The following PCDHGB5 variants were observed in gnomAD, a reference collection of about 807,000 sequenced individuals.
PCDHGB5 encodes the protein protocadherin gamma-B5.
In PCDHGB5, 48 loss-of-function variants were observed where a neutral mutation model predicts 62.9. That is an observed-to-expected ratio of 0.76 (90% CI 0.61 to 0.97). PCDHGB5 has a LOEUF of 0.97. Among genes scored for constraint, PCDHGB5 ranks in the 50% least tolerant of loss-of-function variants. The pLI is 0.00. For synonymous variants in PCDHGB5, 474 were observed against 511.2 expected, an observed-to-expected ratio of 0.93 and a Z score of 0.98; for missense variants, 1,118 against 1,198.6, an observed-to-expected ratio of 0.93 and a Z score of 0.99.
At chr5:141,478,620 G>A (rs1400703951) in intron 1 of PCDHGB5, 2 of 1,555,472 alleles carry the variant, frequency 1.3e-6, no homozygotes, top group East Asian at 2.4e-5. Context: ...AAGGAATGGA[G>A]CTGTTTTTTT....
intron 1 of PCDHGB5, among the ~76,000 whole-genome samples, chr5:141,462,559 T>G (rs1035231534): frequency 6.6e-6 from 1 of 152,248 alleles, no homozygotes; most frequent in African/African-American, 2.4e-5. Flanking sequence ...CAGTGTTTAC[T>G]GTATTTGCTA....
At chr5:141,478,467 G>T (rs2099457769) in intron 1 of PCDHGB5, 1 of 1,613,656 alleles carries the variant, frequency 6.2e-7, no homozygotes, top group South Asian at 1.1e-5. Flanking sequence ...CCACTGGCCA[G>T]CCGCCAGAAC....
intron 1 of PCDHGB5, chr5:141,407,873 A>G (rs561323423): frequency 2.0e-5 from 7 of 354,686 alleles, no homozygotes; most frequent in African/African-American, 1.3e-4. Context: ...CGAAGAATAT[A>G]TACATTTCGG....
chr5:141,476,551 C>A lies in PCDHGB5; in HGVS notation c.2398-18256C>A, dbSNP rs367700651. 6.2e-7 allele frequency: 1 copy of A among 1,614,196 alleles called. No individual in the cohort carries two copies. The highest frequency in any genetic ancestry group is 1.7e-5 in the Admixed American group (1 of 60,028). ...CCCAGGAAATGAAATTGGAGATTAG[C>A]GAGGCCGTGGCTCCGGGGACGCGCT... On this transcript the variant is annotated intron_variant, in intron 1 of 3. Transcript: ENST00000617380. This position sits in a 1 kb window ranked among gnomAD's most constrained non-coding sequence, Gnocchi z 7.6.
At chr5:141,494,522 G>C (rs2099754911) in intron 1 of PCDHGB5, among the ~76,000 whole-genome samples, 1 of 152,196 alleles carries the variant, frequency 6.6e-6, no homozygotes, top group Non-Finnish European at 1.5e-5. Flanking sequence ...CAGGAGTTCT[G>C]ACTCTGGGGG....
At chr5:141,405,364 C>T in intron 1 of PCDHGB5, 1 of 1,613,548 alleles carries the variant, frequency 6.2e-7, no homozygotes, top group Non-Finnish European at 8.5e-7. Flanking sequence ...TAGAAGACAC[C>T]CCTTTGGTTC....
chr5:141,431,216 C>A lies in PCDHGB5; in HGVS notation c.2397+30692C>A. On this transcript the variant is annotated intron_variant, in intron 1 of 3. Coordinates refer to ENST00000617380, the MANE Select transcript of PCDHGB5 (RefSeq NM_018925.3). The surrounding 1 kb of genome is among the most constrained non-coding windows in gnomAD (Gnocchi z 4.8). ...AAATGCAGCCACTGAGATGCGGTTC[C>A]CTCTACCCCACGCCTGGGATCCGGA... The A allele has an allele frequency of 6.2e-7, 1 of 1,614,162 alleles. No homozygotes were observed. The highest frequency in any genetic ancestry group is 8.5e-7 in the Non-Finnish European group (1 of 1,180,048).
In PCDHGB5 at chr5:141,418,608, GC is replaced by G. The variant is rs1422456031; in HGVS notation, c.2397+18086del. On this transcript the variant is annotated intron_variant, in intron 1 of 3. Transcript: ENST00000617380. Reference sequence around the variant, plus strand: ...TTCAGCCAGGACGTGTACAGGGTTAGCCTTCGGGAAGACGTGCCTCCAGGCA... The same window carrying G: ...TTCAGCCAGGACGTGTACAGGGTTAGCTTCGGGAAGACGTGCCTCCAGGCA... 4 of 1,613,922 alleles carry G rather than the reference GC, an allele frequency of 2.5e-6. No individual in the cohort carries two copies. In the African/African-American group the frequency reaches 5.3e-5, roughly 22 times the overall value.
intron 1 of PCDHGB5, among the ~76,000 whole-genome samples, chr5:141,429,326 T>A (rs571458414): frequency 6.6e-6 from 1 of 152,230 alleles, no homozygotes; most frequent in East Asian, 1.9e-4. Context: ...TTTTCTTTAA[T>A]CCATTAACTA....
Position 141,491,739 on chromosome 5 carries a change from C to A in PCDHGB5, c.2398-3068C>A, listed in dbSNP as rs372183034. ...CGCCGCCCCGGGCGACCCCTGGGGG[C>A]GGCACTGGAGAAGCCGCCCGTCCTC... On this transcript the variant is annotated intron_variant, in intron 1 of 3. Transcript: ENST00000617380. The surrounding 1 kb of genome is among the most constrained non-coding windows in gnomAD (Gnocchi z 6.9). 2 of 1,598,886 alleles carry A rather than the reference C, an allele frequency of 1.3e-6. No individual in the cohort carries two copies. The highest frequency in any genetic ancestry group is 1.3e-5 in the African/African-American group (1 of 74,290).
chr5:141,511,443 C>A lies in PCDHGB5; in HGVS notation c.*270C>A. On this transcript the variant is annotated 3_prime_UTR_variant, in exon 4 of 4. Coordinates refer to ENST00000617380, the MANE Select transcript of PCDHGB5 (RefSeq NM_018925.3). ...GGGGTAGTGGGGTTACTGTAGACAC[C>A]AAGAACCATTTGCCACACCCCGTTT... 1 of 670,886 alleles carries A rather than the reference C, an allele frequency of 1.5e-6. No homozygotes were observed. Among genetic ancestry groups the A allele is most frequent in the Non-Finnish European group, 2.4e-6 (1 of 421,442 alleles). 41.6% of individuals were successfully genotyped at this position (670,886 alleles called of 1,614,324 possible).
Position 141,419,438 on chromosome 5 carries a change from A to G in PCDHGB5, c.2397+18914A>G, listed in dbSNP as rs764801455. On this transcript the variant is annotated intron_variant, in intron 1 of 3. Coordinates refer to ENST00000617380, the MANE Select transcript of PCDHGB5 (RefSeq NM_018925.3). ...CGCCTTCGACCACGAGCAGCTGCGC[A>G]CCTTCGAGCTCACGCTGCAGGCCCG... 8 of 1,613,138 alleles carry G rather than the reference A, an allele frequency of 5.0e-6. No homozygotes were observed. The highest frequency in any genetic ancestry group is 4.4e-5 in the South Asian group (4 of 91,044).
rs142995927 is a variant in PCDHGB5, at chr5:141,489,933, C to T, written c.2398-4874C>T. 38 of 1,614,064 alleles carry T rather than the reference C, an allele frequency of 2.4e-5. No homozygotes were observed. The highest frequency in any genetic ancestry group is 1.8e-4 in the South Asian group (16 of 91,084). On this transcript the variant is annotated intron_variant, in intron 1 of 3. Transcript: ENST00000617380. This position sits in a 1 kb window ranked among gnomAD's most constrained non-coding sequence, Gnocchi z 4.5. ...CAGGGACCACCCTTATCTCTGTCAT[C>T]GTGCTGGACATCAATGATAATGCTC...
chr5:141,426,704 A>C, intron 1 of PCDHGB5: 1 of 440,322 alleles, frequency 2.3e-6, no homozygotes, highest in South Asian at 1.6e-5. Context: ...TTGTTTTACA[A>C]ATCAATGAAC....
In PCDHGB5 at chr5:141,485,269, C is replaced by T. The variant is rs760197007; in HGVS notation, c.2398-9538C>T. The T allele has an allele frequency of 6.2e-7, 1 of 1,614,090 alleles. No homozygotes were observed. Among genetic ancestry groups the T allele is most frequent in the Admixed American group, 1.7e-5 (1 of 60,028 alleles). On this transcript the variant is annotated intron_variant, in intron 1 of 3. Transcript: ENST00000617380. The surrounding 1 kb of genome is among the most constrained non-coding windows in gnomAD (Gnocchi z 5.7). ...TGGGTTACGTTTGTGGGCAGATCCG[C>T]TACCCGGTCCCAGAGGAGTCACAGG... is the stretch of plus-strand genomic sequence containing the variant.
intron 1 of PCDHGB5, among the ~76,000 whole-genome samples, chr5:141,464,935 T>A (rs1157718693): frequency 6.6e-6 from 1 of 151,882 alleles, no homozygotes; most frequent in African/African-American, 2.4e-5. Flanking sequence ...AGATGTGAGG[T>A]CTCACTATGT....
At chr5:141,462,648 C>T (rs2099044153) in intron 1 of PCDHGB5, among the ~76,000 whole-genome samples, 1 of 137,364 alleles carries the variant, frequency 7.3e-6, no homozygotes, top group Admixed American at 7.1e-5. Flanking sequence ...TCATTTCCAT[C>T]CTCAATTATC....
rs1348847945 is a variant in PCDHGB5, at chr5:141,493,426, C to G, written c.2398-1381C>G. ...TGCCTCTGCTGGGATTTTGCTTCTG[C>G]TGGGATGGGGCAAGGGTGGGGTTCC... On this transcript the variant is annotated intron_variant, in intron 1 of 3. Transcript: ENST00000617380. The surrounding 1 kb of genome is among the most constrained non-coding windows in gnomAD (Gnocchi z 4.3). Among the ~76,000 whole-genome samples, 2 of 152,144 alleles carry G rather than the reference C, an allele frequency of 1.3e-5. No homozygotes were observed. The highest frequency in any genetic ancestry group is 4.8e-5 in the African/African-American group (2 of 41,424).
chr5:141,448,211 T>TA (rs2098575794), intron 1 of PCDHGB5, among the ~76,000 whole-genome samples: 1 of 152,212 alleles, frequency 6.6e-6, no homozygotes, highest in East Asian at 1.9e-4. Flanking sequence ...TTTCTGTGTG[T>TA]ATGCGAATGT....
Sources: gnomAD v4.1 joint callset for allele counts (sites outside exome capture counted in the v4.1 genomes callset) on GRCh38, gnomAD v4.1.1 for gene constraint, Gnocchi (gnomAD v3.1) non-coding constraint, MANE v1.5 for transcripts, NCBI Gene and HGNC (gene_info 2026-07-23, HGNC 2026-07-21) for gene names.